The following ATAD5 variants were observed in gnomAD, a reference collection of about 807,000 sequenced individuals.
The protein encoded by ATAD5 is ATPase family AAA domain-containing protein 5.
A neutral mutation model predicts 176.9 loss-of-function variants in ATAD5; 58 were observed. That is an observed-to-expected ratio of 0.33 (90% CI 0.27 to 0.41). The LOEUF (loss-of-function observed/expected upper bound fraction) is 0.41. Ranked by LOEUF, ATAD5 falls within the 10% of genes least tolerant of loss-of-function variation. ATAD5 has a pLI of 1.00. For missense variants in ATAD5, 1,789 were observed against 2,094.1 expected (o/e 0.85, Z 2.84); for synonymous variants, 640 against 712.6 (o/e 0.90, Z 1.62).
At chr17:30,837,466 T>C (rs1905817898) in intron 3 of ATAD5, 152 bp downstream of exon 3, 2 of 573,954 alleles carry the variant, frequency 3.5e-6, no homozygotes, top group Non-Finnish European at 6.2e-6. Flanking sequence ...TATTTTTCAC[T>C]ATTATCCTGT....
chr17:30,878,728 T>G (rs898241466), intron 17 of ATAD5, among the ~76,000 whole-genome samples: 4 of 95,870 alleles, frequency 4.2e-5, no homozygotes, highest in African/African-American at 7.7e-5. Context: ...GTTTTTTTTT[T>G]TTTTTTTTTT....
intron 10 of ATAD5, 43 bp downstream of exon 10, chr17:30,860,655 G>C: frequency 6.9e-7 from 1 of 1,453,184 alleles, no homozygotes; most frequent in South Asian, 1.5e-5. Flanking sequence ...ATTGCTTTGA[G>C]GACATGCAAA....
At chr17:30,838,196 A>G (rs1036569092) in intron 3 of ATAD5, among the ~76,000 whole-genome samples, 1 of 152,240 alleles carries the variant, frequency 6.6e-6, no homozygotes, top group Non-Finnish European at 1.5e-5. Context: ...AGTAAGATAC[A>G]TAAGAATGGT....
chr17:30,863,416 G>T (rs554204290), intron 10 of ATAD5, among the ~76,000 whole-genome samples: 1 of 151,452 alleles, frequency 6.6e-6, no homozygotes, highest in African/African-American at 2.4e-5. Flanking sequence ...GCCCATGCTG[G>T]AGTGCAGTGG....
In ATAD5 at chr17:30,855,188, A is replaced by G. The variant is rs757935785; in HGVS notation, c.2496A>G (p.Lys832=). The G allele has an allele frequency of 6.2e-6, 10 of 1,612,800 alleles. No individual in the cohort carries two copies. In the East Asian group the frequency reaches 1.6e-4, roughly 25 times the overall value. Residue 832 remains lysine, a synonymous_variant, in exon 7 of 23, where the codon AAA becomes AAG. Transcript: ENST00000321990. ...CTCAGGATTGTGATGTTCAATGTAA[A>G]GCAAAGCGTGACTTCCTAATGAGTG... ...EKSQDCDVQC[K]AKRDFLMSGL...
Position 30,876,389 on chromosome 17 carries a change from C to T in ATAD5, c.3623C>T (p.Pro1208Leu). ...IGKSPKKISSPKKVVTSPRKV... is the reference protein window; with the variant it reads ...IGKSPKKISSLKKVVTSPRKV... Reference sequence around the variant, plus strand: ...TTTTGGGCAGAAAAAATAAGCTCCCCTAAGAAAGTTGTTACATCACCAAGA... The same window carrying T: ...TTTTGGGCAGAAAAAATAAGCTCCCTTAAGAAAGTTGTTACATCACCAAGA... Residue 1208 changes from proline to leucine, a missense_variant, in exon 15 of 23, where the codon CCT (proline) becomes CTT (leucine). Physicochemically the swap from Pro to Leu is moderately conservative, Grantham distance 98. This residue lies in a region of ATAD5 where 194 missense variants were observed against 270.1 expected (regional missense o/e 0.72). Transcript: ENST00000321990. The T allele has an allele frequency of 1.9e-6, 3 of 1,584,670 alleles. No homozygotes were observed. The highest frequency in any genetic ancestry group is 2.6e-6 in the Non-Finnish European group (3 of 1,169,702).
intron 7 of ATAD5, 109 bp from the exon 8 acceptor site, chr17:30,856,846 T>G: frequency 1.9e-6 from 2 of 1,035,770 alleles, no homozygotes; most frequent in Non-Finnish European, 2.6e-6. Context: ...TTTTGGTATG[T>G]TTGTGTTAAT....
chr17:30,858,275 AAAC>A lies in ATAD5; in HGVS notation c.2911_2913del (p.Gln971del), dbSNP rs1217699408. On this transcript the variant is annotated inframe_deletion, in exon 9 of 23. Coordinates refer to ENST00000321990, the MANE Select transcript of ATAD5 (RefSeq NM_024857.5). Reference sequence around the variant, plus strand: ...AAAATATTTTCCCTTACTCCTAAAAAAACAAATTGAGCACCAAGTACTTTCTTC... The same window carrying A: ...AAAATATTTTCCCTTACTCCTAAAAAAAATTGAGCACCAAGTACTTTCTTC... 6.3e-7 allele frequency: 1 copy of A among 1,586,550 alleles called. No individual in the cohort carries two copies. Among genetic ancestry groups the A allele is most frequent in the African/African-American group, 1.4e-5 (1 of 73,884 alleles).
At chr17:30,866,903 T>C (rs987718105) in intron 11 of ATAD5, among the ~76,000 whole-genome samples, 1 of 152,192 alleles carries the variant, frequency 6.6e-6, no homozygotes, top group Non-Finnish European at 1.5e-5. Flanking sequence ...TAATATGCAG[T>C]ATATGTACCA....
intron 18 of ATAD5, among the ~76,000 whole-genome samples, chr17:30,885,283 T>TGATCCCCC (rs1470532234): frequency 6.6e-6 from 1 of 152,162 alleles, no homozygotes; most frequent in Non-Finnish European, 1.5e-5. Flanking sequence ...TAGCTTCAGG[T>TGATCCCCC]GATCCCCCAA....
chr17:30,836,426 A>T (rs1227910206), intron 2 of ATAD5, among the ~76,000 whole-genome samples: 1 of 151,616 alleles, frequency 6.6e-6, no homozygotes, highest in East Asian at 1.9e-4. Context: ...CAATCCACCC[A>T]CCCGGCCTCC....
intron 4 of ATAD5, 63 bp downstream of exon 4, chr17:30,840,844 A>G (rs1422135146): frequency 1.4e-6 from 2 of 1,462,712 alleles, no homozygotes; most frequent in African/African-American, 2.9e-5. Context: ...GAGTGGGAGA[A>G]GGAAACCATT....
In ATAD5 at chr17:30,832,074, A is replaced by G; in HGVS notation, c.-274A>G. On this transcript the variant is annotated 5_prime_UTR_variant, in exon 1 of 23. Transcript: ENST00000321990. ...TGCCCGGTCCCGAGCGCTCAGCCTGAAGCGCCGCTTTCGAGGGCACCCTGC... is the reference window on the plus strand; with the variant it reads ...TGCCCGGTCCCGAGCGCTCAGCCTGGAGCGCCGCTTTCGAGGGCACCCTGC... 2.6e-6 allele frequency: 1 copy of G among 383,454 alleles called. No homozygotes were observed. The highest frequency in any genetic ancestry group is 4.6e-6 in the Non-Finnish European group (1 of 216,706). 23.8% of individuals were successfully genotyped at this position (383,454 alleles called of 1,614,324 possible).
rs774271254 is a variant in ATAD5, at chr17:30,869,561, T to C, written c.3522T>C (p.Ala1174=). ...GRQILSQLKE[A]TQSHQVDKQG... is the part of the protein sequence containing the mutation. ...AAATTCTATCTCAGTTGAAGGAAGC[T>C]ACTCAGTCCCATCAAGTAGACAAAC... The change falls in exon 14 of 23, where the codon GCT becomes GCC. Residue 1174 remains alanine (A), a synonymous_variant. Coordinates refer to ENST00000321990, the MANE Select transcript of ATAD5 (RefSeq NM_024857.5). The C allele has an allele frequency of 1.9e-6, 3 of 1,611,908 alleles. No individual in the cohort carries two copies. In the East Asian group the frequency reaches 6.7e-5, roughly 36 times the overall value.
intron 12 of ATAD5, among the ~76,000 whole-genome samples, 178 bp downstream of exon 12, chr17:30,868,590 C>T (rs1183777346): frequency 1.3e-5 from 2 of 149,508 alleles, no homozygotes; most frequent in African/African-American, 4.9e-5. Flanking sequence ...TCACTGCTAC[C>T]TCCGCCTCCC....
At chr17:30,840,267 G>A (rs1906027118) in intron 3 of ATAD5, among the ~76,000 whole-genome samples, 1 of 147,948 alleles carries the variant, frequency 6.8e-6, no homozygotes, top group Non-Finnish European at 1.5e-5. Context: ...TTTCTTTATA[G>A]TATCCAGCCT....
chr17:30,889,286 T>C (rs1283540648), intron 19 of ATAD5, among the ~76,000 whole-genome samples: 1 of 150,758 alleles, frequency 6.6e-6, no homozygotes, highest in Admixed American at 6.6e-5. Flanking sequence ...GATACTCCTG[T>C]CCTAGCCTCC....
intron 3 of ATAD5, among the ~76,000 whole-genome samples, chr17:30,840,216 A>C (rs966869338): frequency 1.5e-4 from 22 of 146,678 alleles, no homozygotes; most frequent in Admixed American, 1.4e-3. Flanking sequence ...AAAAAAAAAA[A>C]AAACAACCTT....
At chr17:30,870,490 GCCTGTGTACTT>G (rs1359783317) in intron 14 of ATAD5, among the ~76,000 whole-genome samples, 1 of 151,996 alleles carries the variant, frequency 6.6e-6, no homozygotes, top group Non-Finnish European at 1.5e-5. Context: ...TATACAGGTG[GCCTGTGTACTT>G]CCTATGACAT....
Sources: allele counts gnomAD v4.1 joint callset (sites outside exome capture counted in the v4.1 genomes callset), GRCh38; gene constraint gnomAD v4.1.1; regional missense constraint gnomAD v4.1.1; transcripts MANE v1.5; gene names NCBI Gene and HGNC (gene_info 2026-07-23, HGNC 2026-07-21).